Variants in RBFOX1 observed in about 807,000 individuals in gnomAD.
RBFOX1 encodes the protein RNA binding fox-1 homolog 1, also known as RNA binding protein fox-1 homolog 1.
RBFOX1 carries 8 observed loss-of-function variants against 57.7 expected under a neutral mutation model. The observed-to-expected ratio is 0.14, with a 90% CI of 0.08 to 0.25. RBFOX1 has a LOEUF of 0.25. RBFOX1 is among the 10% of genes least tolerant of loss of function. The probability of loss-of-function intolerance (pLI) is 1.00; values close to 1 mark genes in which losing one functional copy is unlikely to be tolerated. For synonymous variants in RBFOX1, 326 were observed against 222.4 expected (o/e 1.47, Z -4.15); for missense variants, 611 against 548.5 (o/e 1.11, Z -1.14).
At chr16:5,990,203 G>T (rs1014025606) in intron 4 of RBFOX1, among the ~76,000 whole-genome samples, 32 of 152,060 alleles carry the variant, frequency 2.1e-4, no homozygotes, top group Admixed American at 2.1e-3. Context: ...GCTCAGGCTG[G>T]TTTGGAACTC....
intron 4 of RBFOX1, among the ~76,000 whole-genome samples, chr16:7,319,642 A>G (rs1357316524): frequency 6.6e-6 from 1 of 152,156 alleles, no homozygotes; most frequent in Non-Finnish European, 1.5e-5. Flanking sequence ...GGCGAGATTT[A>G]GAATGTGGGC....
intron 2 of RBFOX1, among the ~76,000 whole-genome samples, chr16:6,653,516 G>T (rs888643492): frequency 3.9e-5 from 6 of 152,116 alleles, no homozygotes; most frequent in African/African-American, 1.4e-4. Context: ...CTGAGGGTAG[G>T]AATTATGTTT....
intron 2 of RBFOX1, among the ~76,000 whole-genome samples, chr16:6,387,520 C>A (rs1039377921): frequency 1.3e-5 from 2 of 150,244 alleles, no homozygotes; most frequent in African/African-American, 2.4e-5. Context: ...AAAAATGAAG[C>A]CATTAGCGTC....
intron 1 of RBFOX1, among the ~76,000 whole-genome samples, chr16:6,045,070 A>C (rs950559172): frequency 2.0e-5 from 3 of 152,178 alleles, no homozygotes; most frequent in African/African-American, 7.2e-5. Context: ...GGCTGTTCTT[A>C]AGCATCCAGG....
intron 1 of RBFOX1, among the ~76,000 whole-genome samples, chr16:6,273,560 G>A (rs147686555): frequency 6.6e-6 from 1 of 151,696 alleles, no homozygotes; most frequent in African/African-American, 2.4e-5. Context: ...TGGTCAGGCT[G>A]GTCTGGAACT....
chr16:7,046,167 A>G (rs1342733124), intron 3 of RBFOX1, among the ~76,000 whole-genome samples: 1 of 151,998 alleles, frequency 6.6e-6, no homozygotes, highest in African/African-American at 2.4e-5. Context: ...CATTTAGTTT[A>G]TATTTTACAT....
At chr16:7,607,027 C>A (rs2095309313) in intron 9 of RBFOX1, among the ~76,000 whole-genome samples, 1 of 152,116 alleles carries the variant, frequency 6.6e-6, no homozygotes, top group Non-Finnish European at 1.5e-5. Flanking sequence ...ATTACCATGT[C>A]ATTTTCAAAG....
intron 4 of RBFOX1, among the ~76,000 whole-genome samples, chr16:7,199,337 T>G: frequency 6.6e-6 from 1 of 150,776 alleles, no homozygotes; most frequent in East Asian, 1.9e-4. Context: ...GTTTTTTTTC[T>G]GTTTTATCAT....
At chr16:6,266,463 C>T (rs1409752906) in intron 1 of RBFOX1, among the ~76,000 whole-genome samples, 1 of 152,156 alleles carries the variant, frequency 6.6e-6, no homozygotes, top group Non-Finnish European at 1.5e-5. Flanking sequence ...CCTGTAATCC[C>T]AGCCTTTTGG....
intron 3 of RBFOX1, among the ~76,000 whole-genome samples, chr16:6,973,908 C>G (rs557111645): frequency 2.3e-4 from 35 of 152,258 alleles, no homozygotes; most frequent in Non-Finnish European, 1.2e-4. Flanking sequence ...CATACATTAG[C>G]TTTTATCCCT....
intron 4 of RBFOX1, among the ~76,000 whole-genome samples, chr16:5,923,955 G>C (rs192541834): frequency 6.6e-6 from 1 of 152,246 alleles, no homozygotes; most frequent in Non-Finnish European, 1.5e-5. Flanking sequence ...ATCTCATCTT[G>C]AATTGTAATT....
intron 4 of RBFOX1, among the ~76,000 whole-genome samples, chr16:7,290,847 A>C (rs1568056772): frequency 6.6e-6 from 1 of 152,362 alleles, no homozygotes; most frequent in East Asian, 1.9e-4. Context: ...TCTGAGTCTC[A>C]GCATGCTTGT....
At chr16:7,096,023 A>AAAG in intron 4 of RBFOX1, among the ~76,000 whole-genome samples, 1 of 151,352 alleles carries the variant, frequency 6.6e-6, no homozygotes, top group African/African-American at 2.4e-5. Context: ...AAAAAAAAAA[A>AAAG]AAAAAAGAAA....
intron 4 of RBFOX1, among the ~76,000 whole-genome samples, chr16:7,460,057 C>G (rs1322772608): frequency 4.6e-5 from 7 of 151,970 alleles, no homozygotes; most frequent in African/African-American, 1.7e-4. Flanking sequence ...ATGAGGCAGA[C>G]TTAGGGTTAG....
intron 2 of RBFOX1, among the ~76,000 whole-genome samples, chr16:6,335,400 A>G (rs542857514): frequency 1.1e-4 from 17 of 152,312 alleles, no homozygotes; most frequent in African/African-American, 4.1e-4. Context: ...AGGAAGTTCT[A>G]GAAATGTGCT....
At chr16:6,757,098 G>T (rs115387002) in intron 3 of RBFOX1, among the ~76,000 whole-genome samples, 6 of 152,060 alleles carry the variant, frequency 3.9e-5, no homozygotes, top group African/African-American at 1.4e-4. Flanking sequence ...CCTCAATGAC[G>T]TATAATTTCA....
intron 2 of RBFOX1, among the ~76,000 whole-genome samples, chr16:6,415,904 G>A (rs1363517296): frequency 6.6e-6 from 1 of 152,158 alleles, no homozygotes; most frequent in East Asian, 1.9e-4. Flanking sequence ...AGGTAAGATG[G>A]GTTCACTTTG....
At chr16:6,754,463 C>T (rs193157534) in intron 3 of RBFOX1, among the ~76,000 whole-genome samples, 2 of 152,166 alleles carry the variant, frequency 1.3e-5, no homozygotes, top group Non-Finnish European at 2.9e-5. Context: ...CCTTTTGTTT[C>T]TTCCACAATT....
intron 2 of RBFOX1, among the ~76,000 whole-genome samples, chr16:6,392,770 ATT>A: frequency 6.6e-6 from 1 of 152,368 alleles, no homozygotes; most frequent in East Asian, 1.9e-4. Context: ...CTTTGCAGGA[ATT>A]AAAAAGCATC....
Sources: gnomAD v4.1 joint callset for allele counts (sites outside exome capture counted in the v4.1 genomes callset) on GRCh38, gnomAD v4.1.1 for gene constraint, MANE v1.5 for transcripts, NCBI Gene and HGNC (gene_info 2026-07-23, HGNC 2026-07-21) for gene names.